The following LONRF1 variants were observed in gnomAD, a reference collection of about 807,000 sequenced individuals.
The protein encoded by LONRF1 is LON peptidase N-terminal domain and RING finger protein 1.
In LONRF1, 37 loss-of-function variants were observed where a neutral mutation model predicts 85.8. The observed-to-expected ratio is 0.43, with a 90% CI of 0.33 to 0.57. The LOEUF is 0.57. Ranked by LOEUF, LONRF1 falls within the 20% of genes least tolerant of loss-of-function variation. The probability of loss-of-function intolerance (pLI) is 0.04; values close to 1 mark genes in which losing one functional copy is unlikely to be tolerated. For synonymous variants in LONRF1, 517 were observed against 390.1 expected (o/e 1.33, Z -3.83); for missense variants, 1,036 against 978.0 (o/e 1.06, Z -0.79).
chr8:12,746,257 T>C (rs1276328995), intron 1 of LONRF1, among the ~76,000 whole-genome samples: 1 of 152,146 alleles, frequency 6.6e-6, no homozygotes, highest in African/African-American at 2.4e-5. Context: ...AAACAGGTAT[T>C]ATTTAGTACA....
chr8:12,740,184 G>T (rs1798876526), intron 3 of LONRF1, among the ~76,000 whole-genome samples: 1 of 152,170 alleles, frequency 6.6e-6, no homozygotes, highest in Non-Finnish European at 1.5e-5. Flanking sequence ...ATCATGACTG[G>T]GACCCTGAAT....
chr8:12,725,917 T>C (rs1369648062), intron 10 of LONRF1, 38 bp from the exon 11 acceptor site: 1 of 1,579,944 alleles, frequency 6.3e-7, no homozygotes, highest in Non-Finnish European at 8.6e-7. Context: ...CTGTGTCTAA[T>C]CCCCCGTCCA....
Position 12,751,294 on chromosome 8 carries a change from A to ATGTTTTTTTTTTTT in LONRF1, c.721+3392_721+3405dup, listed in dbSNP as rs1554469327. On this transcript the variant is annotated intron_variant, in intron 1 of 11. Transcript: ENST00000398246. ...AGTCAAGGATTATATTTTTATTTTT[A>ATGTTTTTTTTTTTT]TGTTTTTTTTTTTTTTTTTTTTTTT... 5.4e-3 allele frequency among the ~76,000 whole-genome samples: 458 copies of ATGTTTTTTTTTTTT among 84,722 alleles called. 18 individuals are homozygous for ATGTTTTTTTTTTTT. Among genetic ancestry groups the ATGTTTTTTTTTTTT allele is most frequent in the Middle Eastern group, 0.017 (2 of 116 alleles). 55.6% of individuals were successfully genotyped at this position (84,722 alleles called of 152,430 possible).
At chr8:12,746,713 TG>T (rs201949360) in intron 1 of LONRF1, among the ~76,000 whole-genome samples, 2,579 of 152,316 alleles carry the variant, frequency 0.017, 86 homozygotes, top group African/African-American at 0.059. Flanking sequence ...GATCTAGGAT[TG>T]TCCACATTTT....
At chr8:12,743,989 C>T (rs760670664) in intron 1 of LONRF1, among the ~76,000 whole-genome samples, 1 of 152,160 alleles carries the variant, frequency 6.6e-6, no homozygotes, top group African/African-American at 2.4e-5. Flanking sequence ...ATTTCAGACA[C>T]TTAGCTGGTT....
At position 12,722,182 on chromosome 8, in the gene LONRF1, T is replaced by C. The variant is rs1235463537; in HGVS notation, c.*914A>G. 1.3e-5 allele frequency: 2 copies of C among 152,538 alleles called. No homozygotes were observed. Among genetic ancestry groups the C allele is most frequent in the Non-Finnish European group, 2.9e-5 (2 of 68,036 alleles). 9.4% of individuals were successfully genotyped at this position (152,538 alleles called of 1,614,324 possible). ...TTAGTTCTATATTAAACTTCTTCTC[T>C]TTTCCCAGATCCTTAATGGGTTTAT... On this transcript the variant is annotated 3_prime_UTR_variant, in exon 12 of 12. Coordinates refer to ENST00000398246, the MANE Select transcript of LONRF1 (RefSeq NM_152271.5).
chr8:12,736,647 T>G, intron 6 of LONRF1, 54 bp downstream of exon 6: 1 of 1,195,058 alleles, frequency 8.4e-7, no homozygotes, highest in Non-Finnish European at 1.2e-6. Flanking sequence ...CTACACGGTA[T>G]TTTATGTATA....
In LONRF1 at chr8:12,722,793, C is replaced by G. The variant is rs1263675815; in HGVS notation, c.*303G>C. The stretch of plus-strand genomic sequence containing the variant: ...ACAAGCACACACGCACGCACACACA[C>G]ACACACACTCTCTCACAGACATAAA... On this transcript the variant is annotated 3_prime_UTR_variant, in exon 12 of 12. Coordinates refer to ENST00000398246, the MANE Select transcript of LONRF1 (RefSeq NM_152271.5). 9.0e-6 allele frequency: 2 copies of G among 222,042 alleles called. No individual in the cohort carries two copies. Among genetic ancestry groups the G allele is most frequent in the African/African-American group, 4.6e-5 (2 of 43,956 alleles). The allele number at this position is 222,042 out of a possible 1,614,324, so 13.8% of individuals were successfully genotyped here. A position where few individuals can be genotyped will look rare whatever the true frequency, so the allele number is the denominator to read the frequency against.
At chr8:12,741,933 A>G (rs1798948023) in intron 2 of LONRF1, among the ~76,000 whole-genome samples, 1 of 152,248 alleles carries the variant, frequency 6.6e-6, no homozygotes, top group Admixed American at 6.5e-5. Flanking sequence ...GTCCACCAAC[A>G]AAGTATCAAC....
chr8:12,732,612 C>G (rs1431751366), intron 7 of LONRF1, among the ~76,000 whole-genome samples: 2 of 152,222 alleles, frequency 1.3e-5, no homozygotes, highest in African/African-American at 4.8e-5. Flanking sequence ...CAAAACATGT[C>G]TATCCTTCAA....
At chr8:12,750,302 T>C (rs1799328469) in intron 1 of LONRF1, among the ~76,000 whole-genome samples, 1 of 152,190 alleles carries the variant, frequency 6.6e-6, no homozygotes, top group African/African-American at 2.4e-5. Flanking sequence ...AGTAAGGACA[T>C]AAATAAGTTA....
intron 1 of LONRF1, among the ~76,000 whole-genome samples, chr8:12,746,157 C>G (rs987268620): frequency 6.6e-6 from 1 of 152,144 alleles, no homozygotes; most frequent in Non-Finnish European, 1.5e-5. Flanking sequence ...GGTTAGGCTC[C>G]CCAAATCTCT....
In LONRF1 at chr8:12,729,053, A is replaced by T; in HGVS notation, c.1858T>A (p.Tyr620Asn). ...VSDTQNSFAD[Y>N]GCMLQIRNVH... ...TTTCTAATTTGTAACATACAACCAT[A>T]ATCTGCAAAACTAAAAGAAAACCTT... is the stretch of plus-strand genomic sequence containing the variant. Residue 620 changes from tyrosine (Y) to asparagine (N), a missense_variant, in exon 10 of 12, where the codon TAT (tyrosine) becomes AAT (asparagine). This residue lies in a region of LONRF1 where 265 missense variants were observed against 301.5 expected (regional missense o/e 0.88). Transcript: ENST00000398246. 1 of 1,613,910 alleles carries T rather than the reference A, an allele frequency of 6.2e-7. No individual in the cohort carries two copies. Among genetic ancestry groups the T allele is most frequent in the Non-Finnish European group, 8.5e-7 (1 of 1,179,868 alleles).
At chr8:12,754,588 G>A in intron 1 of LONRF1, 112 bp downstream of exon 1, 3 of 1,169,362 alleles carry the variant, frequency 2.6e-6, no homozygotes, top group Non-Finnish European at 3.2e-6. Context: ...GCGGCCCAGC[G>A]GCCCCGGGGA....
chr8:12,736,409 GTACTT>G (rs1798716987), intron 6 of LONRF1, among the ~76,000 whole-genome samples: 2 of 152,084 alleles, frequency 1.3e-5, no homozygotes, highest in Non-Finnish European at 2.9e-5. Flanking sequence ...AACTTTCTTA[GTACTT>G]TACAATTTCC....
rs112667471 is a variant in LONRF1, at chr8:12,741,623, G to T, written c.841-627C>A. Among the ~76,000 whole-genome samples, 612 of 151,988 alleles carry T rather than the reference G, an allele frequency of 4.0e-3. 4 individuals are homozygous for T. Among genetic ancestry groups the T allele is most frequent in the Non-Finnish European group, 4.6e-3 (316 of 67,970 alleles). ...ATTATTGATTTAATTTGAGGGAAAA[G>T]GAAATTATACGTAAAATTATACTGA... On this transcript the variant is annotated intron_variant, in intron 2 of 11. Coordinates refer to ENST00000398246, the MANE Select transcript of LONRF1 (RefSeq NM_152271.5).
chr8:12,746,269 G>A (rs1168026306), intron 1 of LONRF1, among the ~76,000 whole-genome samples: 2 of 152,064 alleles, frequency 1.3e-5, no homozygotes, highest in African/African-American at 4.8e-5. Context: ...TTTAGTACAA[G>A]TTCCTCCATG....
chr8:12,739,242 CACT>C (rs1420252257), intron 3 of LONRF1, among the ~76,000 whole-genome samples: 2 of 149,990 alleles, frequency 1.3e-5, no homozygotes, highest in African/African-American at 4.9e-5. Context: ...AAATGAAAAT[CACT>C]ACTAACTGAA....
chr8:12,742,512 G>A (rs1253063744), intron 2 of LONRF1, among the ~76,000 whole-genome samples: 1 of 152,038 alleles, frequency 6.6e-6, no homozygotes, highest in Non-Finnish European at 1.5e-5. Flanking sequence ...ACCTCAAAAA[G>A]TTTCCAACTT....
Sources: allele counts gnomAD v4.1 joint callset (sites outside exome capture counted in the v4.1 genomes callset), GRCh38; gene constraint gnomAD v4.1.1; regional missense constraint gnomAD v4.1.1; transcripts MANE v1.5; gene names NCBI Gene and HGNC (gene_info 2026-07-23, HGNC 2026-07-21).